NCOR2: variants seen among roughly 807,000 people sequenced by gnomAD.
NCOR2 encodes nuclear receptor corepressor 2.
In NCOR2, 81 loss-of-function variants were observed where a neutral mutation model predicts 262.9. The observed-to-expected ratio is 0.31, with a 90% CI of 0.26 to 0.37. The LOEUF is 0.37. NCOR2 is among the 10% of genes least tolerant of loss of function. The probability of loss-of-function intolerance (pLI) is 1.00; values close to 1 mark genes in which losing one functional copy is unlikely to be tolerated. For synonymous variants in NCOR2, 1,659 were observed against 1,559.3 expected (o/e 1.06, Z -1.51); for missense variants, 3,385 against 3,621.4 (o/e 0.93, Z 1.68).
At chr12:124,377,197 T>C (rs931190142) in intron 18 of NCOR2, among the ~76,000 whole-genome samples, 4 of 152,170 alleles carry the variant, frequency 2.6e-5, no homozygotes, top group Non-Finnish European at 5.9e-5. Flanking sequence ...AGTCCTGCAT[T>C]TGAGGGGACT....
intron 12 of NCOR2, among the ~76,000 whole-genome samples, chr12:124,422,227 G>C (rs2043247027): frequency 6.6e-6 from 1 of 152,246 alleles, no homozygotes; most frequent in African/African-American, 2.4e-5. Flanking sequence ...CAGGAAGCCT[G>C]GCCGTGCAGC....
chr12:124,512,051 C>T (rs1379481484), intron 1 of NCOR2, among the ~76,000 whole-genome samples: 1 of 152,174 alleles, frequency 6.6e-6, no homozygotes, highest in African/African-American at 2.4e-5. Context: ...CGTGGGACTA[C>T]AGGCAAGCCG....
At chr12:124,446,041 A>G (rs2045147712) in intron 7 of NCOR2, among the ~76,000 whole-genome samples, 1 of 152,204 alleles carries the variant, frequency 6.6e-6, no homozygotes, top group Admixed American at 6.5e-5. Flanking sequence ...CGGGGCCTGC[A>G]CGGGGCCTCC....
intron 1 of NCOR2, among the ~76,000 whole-genome samples, chr12:124,555,379 A>G (rs1566056518): frequency 6.6e-6 from 1 of 152,166 alleles, no homozygotes; most frequent in Non-Finnish European, 1.5e-5. Flanking sequence ...CACAGCTCAC[A>G]AAGCCCAGGG....
At chr12:124,456,761 C>T (rs1451828362) in intron 6 of NCOR2, among the ~76,000 whole-genome samples, 8 of 152,192 alleles carry the variant, frequency 5.3e-5, no homozygotes, top group Non-Finnish European at 1.2e-4. Flanking sequence ...CCCAGAGAAC[C>T]GGCTCTCCGC....
intron 38 of NCOR2, 97 bp from the exon 41 acceptor site, chr12:124,335,729 G>T (rs929121139): frequency 2.9e-6 from 4 of 1,393,548 alleles, no homozygotes; most frequent in Non-Finnish European, 2.9e-6. Flanking sequence ...ACCCCGGGGG[G>T]GTCAAGGGGA....
Position 124,333,411 on chromosome 12 carries a change from T to G in NCOR2, c.6606-132A>C, listed in dbSNP as rs867938543. On this transcript the variant is annotated intron_variant, in intron 41 of 46. Coordinates refer to ENST00000405201, the Ensembl canonical transcript of NCOR2. ...CAAATCATAAACGTTTTAGGCATTT[T>G]CGACCACAAGTAATCTCTGGCATGT... 3.9e-6 allele frequency: 3 copies of G among 778,142 alleles called. No individual in the cohort carries two copies. The Middle Eastern group carries it at 1.0e-3, about 271-fold the overall frequency. The allele number at this position is 778,142 out of a possible 1,614,324, so 48.2% of individuals were successfully genotyped here. A position where few individuals can be genotyped will look rare whatever the true frequency, so the allele number is the denominator to read the frequency against.
At chr12:124,403,274 G>A (rs976466081) in intron 13 of NCOR2, among the ~76,000 whole-genome samples, 8 of 152,232 alleles carry the variant, frequency 5.3e-5, no homozygotes, top group East Asian at 3.9e-4. Context: ...GGTCTCCCTC[G>A]CATGCCAGCA....
intron 20 of NCOR2, among the ~76,000 whole-genome samples, chr12:124,364,621 C>T (rs1164265913): frequency 2.0e-5 from 3 of 152,206 alleles, no homozygotes; most frequent in Non-Finnish European, 4.4e-5. Context: ...CCAAGCTGTT[C>T]GGTGGGTGCC....
intron 8 of NCOR2, among the ~76,000 whole-genome samples, chr12:124,433,868 ACACAC>A (rs2044145248): frequency 3.0e-5 from 2 of 66,444 alleles, no homozygotes; most frequent in African/African-American, 1.5e-4. Context: ...ACACACACAC[ACACAC>A]ACACACACAC....
chr12:124,548,770 C>A lies in NCOR2; in HGVS notation c.-164-13159G>T, dbSNP rs2051618076. The stretch of plus-strand genomic sequence containing the variant: ...GGACAGTCCTACTCCATAAAAGTCA[C>A]CCTCCCTACACAGTTTTCAAATGAC... On this transcript the variant is annotated intron_variant, in intron 1 of 32. Transcript: ENST00000458234. This position sits in a 1 kb window ranked among gnomAD's most constrained non-coding sequence, Gnocchi z 5.1. Among the ~76,000 whole-genome samples the A allele has an allele frequency of 6.6e-6, 1 of 152,028 alleles. No homozygotes were observed. The highest frequency in any genetic ancestry group is 6.6e-5 in the Admixed American group (1 of 15,234).
chr12:124,325,417 G>C (rs1027256498), exon 47 of NCOR2: 2 of 1,275,662 alleles, frequency 1.6e-6, no homozygotes, highest in Middle Eastern at 3.1e-4. Flanking sequence ...CGCTGTCGGA[G>C]AGTGTCTCGT....
intron 17 of NCOR2, among the ~76,000 whole-genome samples, chr12:124,385,063 G>C (rs903148268): frequency 2.0e-5 from 3 of 152,118 alleles, no homozygotes; most frequent in African/African-American, 7.2e-5. Flanking sequence ...AGGAGGAAGG[G>C]AAGGAGAGAG....
At chr12:124,526,833 ACCACCT>A (rs2050496067) in intron 1 of NCOR2, among the ~76,000 whole-genome samples, 1 of 152,066 alleles carries the variant, frequency 6.6e-6, no homozygotes, top group Non-Finnish European at 1.5e-5. Context: ...TCCCAGCTTC[ACCACCT>A]CCCAGCTGTG....
At chr12:124,367,529 G>A (rs931053864) in intron 20 of NCOR2, among the ~76,000 whole-genome samples, 1 of 152,194 alleles carries the variant, frequency 6.6e-6, no homozygotes. Context: ...GGGCCCATCT[G>A]ACCGCCCCTT....
intron 20 of NCOR2, among the ~76,000 whole-genome samples, chr12:124,370,951 C>A (rs761119050): frequency 2.6e-5 from 4 of 152,144 alleles, no homozygotes; most frequent in Non-Finnish European, 5.9e-5. Flanking sequence ...GGGAGATGAG[C>A]CACCAAAAAC....
At chr12:124,507,607 C>G (rs532548740) in intron 1 of NCOR2, among the ~76,000 whole-genome samples, 3 of 152,246 alleles carry the variant, frequency 2.0e-5, no homozygotes, top group Non-Finnish European at 4.4e-5. Flanking sequence ...ACTTGCACCT[C>G]TGATCCCTCG....
chr12:124,393,335 G>A (rs2041442640), intron 16 of NCOR2, among the ~76,000 whole-genome samples: 1 of 152,156 alleles, frequency 6.6e-6, no homozygotes, highest in Non-Finnish European at 1.5e-5. Flanking sequence ...TCGGTCCTCA[G>A]GCAGCACAAG....
intron 8 of NCOR2, among the ~76,000 whole-genome samples, chr12:124,436,320 G>A (rs989745516): frequency 6.6e-6 from 1 of 152,190 alleles, no homozygotes; most frequent in Non-Finnish European, 1.5e-5. Context: ...GAGCTGCCTC[G>A]CAGGCCCTGC....
Sources: gnomAD v4.1 joint callset for allele counts (sites outside exome capture counted in the v4.1 genomes callset) on GRCh38, gnomAD v4.1.1 for gene constraint, Gnocchi (gnomAD v3.1) non-coding constraint, MANE v1.5 for transcripts, NCBI Gene and HGNC (gene_info 2026-07-23, HGNC 2026-07-21) for gene names.